RGS9: variants seen among roughly 807,000 people sequenced by gnomAD.
The protein encoded by RGS9 is regulator of G-protein signalling 9.
In RGS9, 78 loss-of-function variants were observed where a neutral mutation model predicts 102.0. The observed-to-expected ratio is 0.76, with a 90% CI of 0.64 to 0.92. RGS9 has a LOEUF of 0.92. RGS9 is among the 40% of genes least tolerant of loss of function. The pLI, the probability that RGS9 is intolerant of heterozygous loss-of-function variation, is 0.00. For missense variants in RGS9, 833 were observed against 866.1 expected (o/e 0.96, Z 0.48); for synonymous variants, 353 against 318.6 (o/e 1.11, Z -1.15).
chr17:65,183,370 G>A (rs1469675421), intron 9 of RGS9, among the ~76,000 whole-genome samples: 1 of 152,172 alleles, frequency 6.6e-6, no homozygotes, highest in Non-Finnish European at 1.5e-5. Context: ...TGATCCGCCT[G>A]CCTTGGACTC....
At position 65,160,372 on chromosome 17, in the gene RGS9, TG is replaced by T. The variant is rs1489942062; in HGVS notation, c.312+37del. The T allele has an allele frequency of 2.5e-6, 4 of 1,578,960 alleles. No individual in the cohort carries two copies. In the East Asian group the frequency reaches 8.9e-5, roughly 35 times the overall value. ...TTGGCCTTGACCCTGGCTGTTCATA[TG>T]GGGTTGATCTCATTTGAAAAGGTGG... On this transcript the variant is annotated intron_variant, in intron 4 of 18. Transcript: ENST00000262406.
rs147298158 is a variant in RGS9 at position 65,198,087 on chromosome 17, C to T, written c.976+846C>T. On this transcript the variant is annotated intron_variant, in intron 13 of 18. Transcript: ENST00000262406. The stretch of plus-strand genomic sequence containing the variant: ...CTTTTAAATTGGTGGGGGTTGGAAT[C>T]CTTGAAGTTTTGGAAACTCCCCAGA... Among the ~76,000 whole-genome samples, 136 of 152,180 alleles carry T rather than the reference C, an allele frequency of 8.9e-4. No individual in the cohort carries two copies. In the Middle Eastern group the frequency reaches 0.014, roughly 15 times the overall value.
intron 9 of RGS9, among the ~76,000 whole-genome samples, chr17:65,180,285 G>A (rs1279713159): frequency 6.6e-6 from 1 of 152,176 alleles, no homozygotes; most frequent in East Asian, 1.9e-4. Context: ...AGAACTCATG[G>A]TGCCTGAGCT....
intron 14 of RGS9, among the ~76,000 whole-genome samples, chr17:65,202,441 G>GTT (rs1912890782): frequency 7.3e-6 from 1 of 137,350 alleles, no homozygotes; most frequent in Non-Finnish European, 1.6e-5. Flanking sequence ...GTGTGTGTGT[G>GTT]TGTGAGAGAG....
At position 65,193,421 on chromosome 17, in the gene RGS9, A is replaced by G. The variant is rs564041375; in HGVS notation, c.747-122A>G. The G allele has an allele frequency of 1.8e-4, 130 of 721,804 alleles. 1 individual carries two copies. Among genetic ancestry groups the G allele is most frequent in the South Asian group, 1.7e-3 (111 of 66,790 alleles). 44.7% of individuals were successfully genotyped at this position (721,804 alleles called of 1,614,324 possible). On this transcript the variant is annotated intron_variant, in intron 11 of 18. Transcript: ENST00000262406. ...GATTTGAGGAAATTTCTAGGAAAAC[A>G]GTAATAAGTATGTCACCAAATCGAT...
chr17:65,201,610 A>G (rs1460351068), intron 13 of RGS9, among the ~76,000 whole-genome samples: 1 of 152,222 alleles, frequency 6.6e-6, no homozygotes, highest in Non-Finnish European at 1.5e-5. Context: ...AAATTCTAGA[A>G]TAAAAAAGAG....
intron 8 of RGS9, among the ~76,000 whole-genome samples, chr17:65,176,297 A>G (rs1462263876): frequency 6.6e-6 from 1 of 152,218 alleles, no homozygotes; most frequent in Admixed American, 6.5e-5. Context: ...TACATATGTA[A>G]TCTTAAAATG....
At chr17:65,204,339 G>A (rs751164430) in intron 15 of RGS9, 38 bp downstream of exon 15, 7 of 1,611,184 alleles carry the variant, frequency 4.3e-6, no homozygotes, top group Non-Finnish European at 5.9e-6. Flanking sequence ...GGTCCAGATA[G>A]GCTTTCTGTC....
At chr17:65,138,219 G>A (rs913332474) in intron 1 of RGS9, among the ~76,000 whole-genome samples, 1 of 152,362 alleles carries the variant, frequency 6.6e-6, no homozygotes, top group Non-Finnish European at 1.5e-5. Context: ...GAATGCACCT[G>A]TGGGGTGATG....
At position 65,202,415 on chromosome 17, in the gene RGS9, G is replaced by C. The variant is rs980315530; in HGVS notation, c.1064+335G>C. On this transcript the variant is annotated intron_variant, in intron 14 of 18. Transcript: ENST00000262406. ...TTCTTAGGTGTCCTGAGGGGTGTGTGTGTGTGTGTGTGTGTGTGTGTGTGT... is the reference window on the plus strand; with the variant it reads ...TTCTTAGGTGTCCTGAGGGGTGTGTCTGTGTGTGTGTGTGTGTGTGTGTGT... Among the ~76,000 whole-genome samples, 16 of 128,238 alleles carry C rather than the reference G, an allele frequency of 1.2e-4. No homozygotes were observed. In the East Asian group the frequency reaches 3.3e-3, roughly 26 times the overall value. The allele number at this position is 128,238 out of a possible 152,430, so 84.1% of individuals were successfully genotyped here.
intron 2 of RGS9, among the ~76,000 whole-genome samples, chr17:65,156,164 A>T (rs764914911): frequency 5.3e-5 from 8 of 152,274 alleles, no homozygotes; most frequent in Non-Finnish European, 8.8e-5. Context: ...CTAGGATTAC[A>T]GGCACCCACC....
At chr17:65,138,054 C>A (rs1402008745) in intron 1 of RGS9, among the ~76,000 whole-genome samples, 2 of 152,346 alleles carry the variant, frequency 1.3e-5, no homozygotes, top group African/African-American at 4.8e-5. Flanking sequence ...ATTTACAATG[C>A]CCTGAGAGCC....
chr17:65,190,201 G>A lies in RGS9; in HGVS notation c.711G>A (p.Met237Ile), dbSNP rs780213707. 8.1e-6 allele frequency: 13 copies of A among 1,613,812 alleles called. No individual in the cohort carries two copies. The South Asian group carries it at 1.1e-4, about 14-fold the overall frequency. ...KEIMYYQQAL[M>I]RSTVKSSVSL... ...TCATGTATTACCAACAGGCCTTGAT[G>A]AGGTCCACAGTGAAGTCTTCTGTGT... Residue 237 changes from methionine to isoleucine, a missense_variant, in exon 11 of 19, where the codon ATG becomes ATA. By Grantham distance (10) the Met-to-Ile change is conservative. Around this residue, in one of 3 missense-constraint regions of RGS9, gnomAD observed 328 missense variants for 340.6 expected, o/e 0.96. Transcript: ENST00000262406.
intron 13 of RGS9, among the ~76,000 whole-genome samples, chr17:65,197,772 C>T (rs56363901): frequency 0.028 from 4,314 of 151,684 alleles, 82 homozygotes; most frequent in Middle Eastern, 0.034. Context: ...CTAGTTCAAG[C>T]GATTCCCCTG....
rs184798970 is a variant in RGS9, at chr17:65,161,007, C to T, written c.423+98C>T. 1,254 of 985,966 alleles carry T rather than the reference C, an allele frequency of 1.3e-3. 13 individuals carry two copies. The highest frequency in any genetic ancestry group is 1.9e-4 in the Non-Finnish European group (118 of 612,162). 61.1% of individuals were successfully genotyped at this position (985,966 alleles called of 1,614,324 possible). ...CCCACATCACTACATTCATATGCGC[C>T]CACATTCATATGCAATCCATCCAGC... On this transcript the variant is annotated intron_variant, in intron 6 of 18. Coordinates refer to ENST00000262406, the MANE Select transcript of RGS9 (RefSeq NM_003835.4).
At chr17:65,182,126 T>C (rs963789626) in intron 9 of RGS9, among the ~76,000 whole-genome samples, 3 of 152,188 alleles carry the variant, frequency 2.0e-5, no homozygotes, top group African/African-American at 7.2e-5. Flanking sequence ...CTGGCGAGTA[T>C]ACAGATCTTT....
At chr17:65,196,646 G>A (rs1026665552) in intron 12 of RGS9, among the ~76,000 whole-genome samples, 1 of 149,884 alleles carries the variant, frequency 6.7e-6, no homozygotes, top group African/African-American at 2.4e-5. Context: ...AGGAGCCACC[G>A]GCTCCCACCA....
intron 3 of RGS9, chr17:65,158,858 A>G (rs1290899517): frequency 1.2e-5 from 3 of 257,614 alleles, no homozygotes; most frequent in Non-Finnish European, 1.5e-5. Context: ...GAGCATGGCA[A>G]TGTGCCTGAT....
intron 6 of RGS9, among the ~76,000 whole-genome samples, chr17:65,161,396 C>T (rs1393478703): frequency 1.3e-5 from 2 of 152,044 alleles, no homozygotes; most frequent in Non-Finnish European, 2.9e-5. Flanking sequence ...GGATTACAGG[C>T]GTGTGCCACC....
Sources: gnomAD v4.1 joint callset for allele counts (sites outside exome capture counted in the v4.1 genomes callset) on GRCh38, gnomAD v4.1.1 for gene constraint, gnomAD v4.1.1 regional missense constraint, MANE v1.5 for transcripts, NCBI Gene and HGNC (gene_info 2026-07-23, HGNC 2026-07-21) for gene names.